The following RANBP17 variants were observed in gnomAD, a reference collection of about 807,000 sequenced individuals.
The protein encoded by RANBP17 is ran-binding protein 17.
Under a neutral mutation model 141.2 loss-of-function variants are expected in RANBP17, and 158 were observed. The ratio of observed to expected loss-of-function variants is 1.12; its 90% confidence interval spans 0.98 to 1.28. RANBP17 has a LOEUF of 1.28. RANBP17 is among the 50% of genes most tolerant of loss of function. The probability of loss-of-function intolerance (pLI) is 0.00; values close to 1 mark genes in which losing one functional copy is unlikely to be tolerated. For missense variants in RANBP17, 1,438 were observed against 1,290.7 expected (o/e 1.11, Z -1.75); for synonymous variants, 430 against 450.0 (o/e 0.96, Z 0.56).
Position 171,183,213 on chromosome 5 carries a change from A to G in RANBP17, c.1912A>G (p.Met638Val). 1 of 1,593,198 alleles carries G rather than the reference A, an allele frequency of 6.3e-7. No individual in the cohort carries two copies. The highest frequency in any genetic ancestry group is 8.6e-7 in the Non-Finnish European group (1 of 1,161,028). ...KLVKIDAVKF[M>V]LKNHTSEHFP... Reference sequence around the variant, plus strand: ...TGTGAAGATAGATGCTGTGAAATTCATGCTAAAAAACCACACGGTAAGTCT... The same window carrying G: ...TGTGAAGATAGATGCTGTGAAATTCGTGCTAAAAAACCACACGGTAAGTCT... Residue 638 changes from methionine (M) to valine (V), a missense_variant, in exon 17 of 28, where the codon ATG becomes GTG. Met to Val is a conservative substitution (Grantham distance 21). Transcript: ENST00000523189.
At chr5:171,092,698 A>G (rs1786392024) in intron 14 of RANBP17, among the ~76,000 whole-genome samples, 1 of 152,224 alleles carries the variant, frequency 6.6e-6, no homozygotes, top group Admixed American at 6.5e-5. Flanking sequence ...GATCTTTTTC[A>G]TATGATAGTG....
At position 170,955,645 on chromosome 5, in the gene RANBP17, A is replaced by AGTGT. The variant is rs1461257224; in HGVS notation, c.1574+1944_1574+1947dup. ...TATATATATATATATATATATGCTC[A>AGTGT]GTGTATATATATATATATATATATA... is the stretch of plus-strand genomic sequence containing the variant. On this transcript the variant is annotated intron_variant, in intron 13 of 27. Transcript: ENST00000523189. 2.8e-3 allele frequency among the ~76,000 whole-genome samples: 94 copies of AGTGT among 34,118 alleles called. 4 individuals carry two copies. The highest frequency in any genetic ancestry group is 0.01 in the East Asian group (12 of 1,194). 22.4% of individuals were successfully genotyped at this position (34,118 alleles called of 152,430 possible). A position where few individuals can be genotyped will look rare whatever the true frequency, so the allele number is the denominator to read the frequency against.
intron 14 of RANBP17, among the ~76,000 whole-genome samples, chr5:171,074,716 C>A (rs1784815743): frequency 6.6e-6 from 1 of 152,016 alleles, no homozygotes; most frequent in Admixed American, 6.6e-5. Flanking sequence ...TTATTAATTG[C>A]CTATTATAAT....
chr5:171,067,472 T>A (rs1784379885), intron 14 of RANBP17, among the ~76,000 whole-genome samples: 1 of 152,172 alleles, frequency 6.6e-6, no homozygotes, highest in Non-Finnish European at 1.5e-5. Flanking sequence ...ATCAGAGATC[T>A]CTATTTCTCT....
intron 14 of RANBP17, among the ~76,000 whole-genome samples, chr5:171,159,796 G>A (rs577467811): frequency 7.3e-5 from 11 of 151,678 alleles, no homozygotes; most frequent in Admixed American, 5.3e-4. Flanking sequence ...GGTGGCAGTC[G>A]CCTGTGGTCC....
intron 21 of RANBP17, among the ~76,000 whole-genome samples, chr5:171,214,180 A>G (rs1236068881): frequency 1.3e-5 from 2 of 152,196 alleles, no homozygotes; most frequent in Non-Finnish European, 2.9e-5. Context: ...AGTTTGCCTC[A>G]GAAGCTCTGG....
At chr5:171,029,020 AGTTCT>A in intron 14 of RANBP17, 4 of 1,026,962 alleles carry the variant, frequency 3.9e-6, no homozygotes, top group Non-Finnish European at 5.1e-6. Context: ...ATGTTAAGCC[AGTTCT>A]TTTCTGGTCA....
intron 12 of RANBP17, among the ~76,000 whole-genome samples, chr5:170,938,148 A>C (rs1463992071): frequency 6.6e-6 from 1 of 152,208 alleles, no homozygotes; most frequent in Non-Finnish European, 1.5e-5. Context: ...GGCAAAAAGC[A>C]GGGTTGCTCT....
At chr5:170,979,022 A>G (rs1777583008) in intron 14 of RANBP17, among the ~76,000 whole-genome samples, 1 of 152,204 alleles carries the variant, frequency 6.6e-6, no homozygotes, top group South Asian at 2.1e-4. Context: ...GGGTAACTCT[A>G]TAAAACCATC....
chr5:171,080,952 ATAAT>A (rs372953024), intron 14 of RANBP17, among the ~76,000 whole-genome samples: 108 of 152,268 alleles, frequency 7.1e-4, no homozygotes, highest in African/African-American at 2.5e-3. Flanking sequence ...CCTCAACTAA[ATAAT>A]AACAGTTTTT....
At chr5:170,979,411 A>G (rs1777608838) in intron 14 of RANBP17, among the ~76,000 whole-genome samples, 1 of 152,230 alleles carries the variant, frequency 6.6e-6, no homozygotes, top group South Asian at 2.1e-4. Flanking sequence ...CTGTATCATA[A>G]TGAGAGTAGA....
intron 14 of RANBP17, among the ~76,000 whole-genome samples, chr5:171,149,519 A>C (rs1312080422): frequency 4.6e-5 from 7 of 152,222 alleles, no homozygotes; most frequent in Non-Finnish European, 8.8e-5. Flanking sequence ...ACAAAAGTGA[A>C]AGATTTTGTG....
intron 14 of RANBP17, among the ~76,000 whole-genome samples, chr5:171,106,411 G>C (rs762731300): frequency 1.3e-5 from 2 of 152,156 alleles, no homozygotes; most frequent in Non-Finnish European, 2.9e-5. Context: ...CTATAAGATA[G>C]GGGAATAGAA....
rs1020863435 is a variant in RANBP17 at position 170,965,340 on chromosome 5, T to C, written c.1575-2902T>C. Among the ~76,000 whole-genome samples, 613 of 151,708 alleles carry C rather than the reference T, an allele frequency of 4.0e-3. 5 individuals carry two copies. Among genetic ancestry groups the C allele is most frequent in the African/African-American group, 0.014 (589 of 41,466 alleles). Reference sequence around the variant, plus strand: ...TAGGTTGCGAAAATTTTCTCCCATTTTGTAGGTTGCCTGTTCACTCTGATG... The same window carrying C: ...TAGGTTGCGAAAATTTTCTCCCATTCTGTAGGTTGCCTGTTCACTCTGATG... On this transcript the variant is annotated intron_variant, in intron 13 of 27. Coordinates refer to ENST00000523189, the MANE Select transcript of RANBP17 (RefSeq NM_022897.5).
chr5:170,983,591 A>G (rs543814816), intron 14 of RANBP17, among the ~76,000 whole-genome samples: 44 of 152,316 alleles, frequency 2.9e-4, no homozygotes, highest in African/African-American at 1.0e-3. Context: ...TAGTAAAAGA[A>G]ATAGCCGAAA....
chr5:170,939,359 T>TTTTATTTA lies in RANBP17; in HGVS notation c.1469-14201_1469-14194dup, dbSNP rs370040899. On this transcript the variant is annotated intron_variant, in intron 12 of 27. Coordinates refer to ENST00000523189, the MANE Select transcript of RANBP17 (RefSeq NM_022897.5). ...GAAATTGGTAAACTCAAAAATTTTA[T>TTTTATTTA]TTTATTTATTTATTTATTTATTTAT... Among the ~76,000 whole-genome samples, 541 of 147,632 alleles carry TTTTATTTA rather than the reference T, an allele frequency of 3.7e-3. 2 individuals are homozygous for TTTTATTTA. The highest frequency in any genetic ancestry group is 0.013 in the East Asian group (66 of 5,050).
chr5:171,223,238 CA>C (rs956321952), intron 22 of RANBP17, among the ~76,000 whole-genome samples: 1 of 152,116 alleles, frequency 6.6e-6, no homozygotes, highest in Non-Finnish European at 1.5e-5. Flanking sequence ...CTAGAGAAAG[CA>C]CCTGTATAGG....
rs539400614 is a variant in RANBP17, at chr5:171,092,560, C to A, written c.1711-77570C>A. 3.3e-5 allele frequency among the ~76,000 whole-genome samples: 5 copies of A among 152,278 alleles called. No individual in the cohort carries two copies. In the South Asian group the frequency reaches 1.0e-3, roughly 32 times the overall value. On this transcript the variant is annotated intron_variant, in intron 14 of 27. Transcript: ENST00000523189. Reference sequence around the variant, plus strand: ...GCCTCCAGTTACCTGGGTGACCTTACCCTGTTAAAGTCTTATTTATAAAAT... The same window carrying A: ...GCCTCCAGTTACCTGGGTGACCTTAACCTGTTAAAGTCTTATTTATAAAAT...
chr5:170,953,013 G>C (rs980078884), intron 12 of RANBP17, among the ~76,000 whole-genome samples: 32 of 152,068 alleles, frequency 2.1e-4, no homozygotes, highest in African/African-American at 7.7e-4. Context: ...CAGCTGTGAA[G>C]TTAACTCTAC....
Sources: allele counts gnomAD v4.1 joint callset (sites outside exome capture counted in the v4.1 genomes callset), GRCh38; gene constraint gnomAD v4.1.1; transcripts MANE v1.5; gene names NCBI Gene and HGNC (gene_info 2026-07-23, HGNC 2026-07-21).